Variants in GABBR2 observed in about 807,000 individuals in gnomAD.
GABBR2 encodes the protein G-protein coupled receptor 51.
Under a neutral mutation model 105.6 loss-of-function variants are expected in GABBR2, and 23 were observed. The observed-to-expected ratio is 0.22, with a 90% CI of 0.16 to 0.31. GABBR2 has a LOEUF of 0.31. Among genes scored for constraint, GABBR2 ranks in the 10% least tolerant of loss-of-function variants. The pLI is 1.00. For missense variants in GABBR2, 734 were observed against 1,245.5 expected (o/e 0.59, Z 6.18); for synonymous variants, 478 against 499.7 (o/e 0.96, Z 0.58).
chr9:98,358,890 G>T (rs539150952), intron 13 of GABBR2, among the ~76,000 whole-genome samples: 1 of 152,122 alleles, frequency 6.6e-6, no homozygotes, highest in East Asian at 1.9e-4. Flanking sequence ...CCGTATGTGG[G>T]GTTGGGTGGC....
At chr9:98,358,552 T>A (rs189789976) in intron 13 of GABBR2, among the ~76,000 whole-genome samples, 47 of 152,366 alleles carry the variant, frequency 3.1e-4, no homozygotes, top group African/African-American at 1.1e-3. Flanking sequence ...GACTTGTCTG[T>A]CTTCCTAACT....
chr9:98,445,217 C>T (rs1468179938), intron 7 of GABBR2, among the ~76,000 whole-genome samples: 1 of 152,110 alleles, frequency 6.6e-6, no homozygotes, highest in Non-Finnish European at 1.5e-5. Flanking sequence ...GGCTGTGGTC[C>T]CTGCAAATCT....
At position 98,406,062 on chromosome 9, in the gene GABBR2, TA is replaced by T; in HGVS notation, c.1297+18del. 7.4e-7 allele frequency: 1 copy of T among 1,343,970 alleles called. No individual in the cohort carries two copies. The highest frequency in any genetic ancestry group is 1.1e-6 in the Non-Finnish European group (1 of 937,074). 83.3% of individuals were successfully genotyped at this position (1,343,970 alleles called of 1,614,324 possible). ...TCTAAATTTTATCAGCTAGAAAGAATAAGCATCAAAATGCCTACCTTGAAAT... is the reference window on the plus strand; with the variant it reads ...TCTAAATTTTATCAGCTAGAAAGAATAGCATCAAAATGCCTACCTTGAAAT... On this transcript the variant is annotated intron_variant, in intron 8 of 18. Transcript: ENST00000259455.
At chr9:98,352,523 C>A (rs1320618724) in intron 13 of GABBR2, among the ~76,000 whole-genome samples, 2 of 152,052 alleles carry the variant, frequency 1.3e-5, no homozygotes, top group Non-Finnish European at 2.9e-5. Flanking sequence ...TCCCAGATAG[C>A]ACATGTGGGT....
chr9:98,569,665 AG>A (rs1177252542), intron 2 of GABBR2, among the ~76,000 whole-genome samples: 1 of 152,184 alleles, frequency 6.6e-6, no homozygotes, highest in Non-Finnish European at 1.5e-5. Flanking sequence ...TGAGCCACGG[AG>A]CCCAGTGTCG....
chr9:98,704,965 A>C (rs1830875565), intron 1 of GABBR2, among the ~76,000 whole-genome samples: 2 of 152,176 alleles, frequency 1.3e-5, no homozygotes, highest in South Asian at 4.1e-4. Context: ...AAAAAAAAAA[A>C]AAAGTCATTG....
chr9:98,495,087 G>C (rs185987356), intron 4 of GABBR2, among the ~76,000 whole-genome samples: 91 of 152,278 alleles, frequency 6.0e-4, no homozygotes, highest in African/African-American at 2.0e-3. Flanking sequence ...GACACTGCAG[G>C]GGGGAGACCT....
rs535737390 is a variant in GABBR2 at position 98,487,882 on chromosome 9, GTTGT to G, written c.733-6889_733-6886del. On this transcript the variant is annotated intron_variant, in intron 4 of 18. Coordinates refer to ENST00000259455, the MANE Select transcript of GABBR2 (RefSeq NM_005458.8). ...AATTCACATTCCAGATGGAATTAAG[GTTGT>G]TTATCAGCTGATCTTAAAATAGGGA... is the stretch of plus-strand genomic sequence containing the variant. Among the ~76,000 whole-genome samples the G allele has an allele frequency of 3.1e-3, 479 of 152,270 alleles. 5 individuals carry two copies. The highest frequency in any genetic ancestry group is 0.011 in the African/African-American group (458 of 41,548).
chr9:98,313,589 A>G (rs1291027373), intron 13 of GABBR2, among the ~76,000 whole-genome samples: 1 of 152,212 alleles, frequency 6.6e-6, no homozygotes, highest in East Asian at 1.9e-4. Flanking sequence ...GTCAAGCACA[A>G]ACTTACTAAG....
intron 3 of GABBR2, among the ~76,000 whole-genome samples, chr9:98,512,948 G>C (rs1827679776): frequency 6.6e-6 from 1 of 151,918 alleles, no homozygotes; most frequent in Non-Finnish European, 1.5e-5. Context: ...GCATCACCAA[G>C]TCAATCCTAA....
At chr9:98,557,126 TGAG>T (rs889837119) in intron 2 of GABBR2, among the ~76,000 whole-genome samples, 5 of 152,142 alleles carry the variant, frequency 3.3e-5, no homozygotes, top group African/African-American at 1.2e-4. Context: ...TAATAGAAGA[TGAG>T]GAGATGAGGG....
At chr9:98,382,566 C>T (rs111845928) in intron 11 of GABBR2, among the ~76,000 whole-genome samples, 2,702 of 152,216 alleles carry the variant, frequency 0.018, 40 homozygotes, top group African/African-American at 0.032. Flanking sequence ...CTACCCGCCT[C>T]GGCCTCCCAA....
At chr9:98,371,997 T>C (rs1260459591) in intron 11 of GABBR2, among the ~76,000 whole-genome samples, 1 of 152,204 alleles carries the variant, frequency 6.6e-6, no homozygotes, top group East Asian at 1.9e-4. Context: ...TACTGTCCAG[T>C]GTCACCTCAG....
chr9:98,412,842 A>G (rs1181547621), intron 7 of GABBR2, among the ~76,000 whole-genome samples: 2 of 152,236 alleles, frequency 1.3e-5, no homozygotes, highest in East Asian at 3.8e-4. Context: ...GAGTGCTCAG[A>G]GAGGTCAAGA....
chr9:98,438,090 ATCC>A (rs1825960357), intron 7 of GABBR2, among the ~76,000 whole-genome samples: 1 of 7,824 alleles, frequency 1.3e-4, no homozygotes, highest in Non-Finnish European at 3.4e-4. Context: ...ACATCTATCC[ATCC>A]ATCCATCCAT....
intron 2 of GABBR2, among the ~76,000 whole-genome samples, chr9:98,568,188 G>T (rs1430344656): frequency 6.6e-6 from 1 of 152,158 alleles, no homozygotes; most frequent in African/African-American, 2.4e-5. Flanking sequence ...ACTCAAAGCT[G>T]TGGAATGAAC....
intron 3 of GABBR2, among the ~76,000 whole-genome samples, chr9:98,519,154 G>C (rs1292959507): frequency 6.6e-6 from 1 of 152,192 alleles, no homozygotes; most frequent in African/African-American, 2.4e-5. Flanking sequence ...GTGAGCAACT[G>C]AAGGGCCTGA....
intron 11 of GABBR2, among the ~76,000 whole-genome samples, chr9:98,376,037 A>C (rs1831867046): frequency 6.6e-6 from 1 of 152,152 alleles, no homozygotes; most frequent in African/African-American, 2.4e-5. Flanking sequence ...GCCATCAGGT[A>C]CTCAGCCCCC....
chr9:98,393,597 G>A (rs1832234474), intron 9 of GABBR2, among the ~76,000 whole-genome samples: 1 of 152,270 alleles, frequency 6.6e-6, no homozygotes, highest in South Asian at 2.1e-4. Flanking sequence ...GGAATTTAAA[G>A]TTAAATAGGA....
Sources: gnomAD v4.1 joint callset for allele counts (sites outside exome capture counted in the v4.1 genomes callset) on GRCh38, gnomAD v4.1.1 for gene constraint, MANE v1.5 for transcripts, NCBI Gene and HGNC (gene_info 2026-07-23, HGNC 2026-07-21) for gene names.